AURKA: variants seen among roughly 807,000 people sequenced by gnomAD.
The protein encoded by AURKA is aurora 2.
In AURKA, 12 loss-of-function variants were observed where a neutral mutation model predicts 40.9. The observed-to-expected ratio is 0.29, with a 90% CI of 0.19 to 0.48. The LOEUF is 0.48. Among genes scored for constraint, AURKA ranks in the 20% least tolerant of loss-of-function variants. The pLI is 0.99. For synonymous variants in AURKA, 170 were observed against 164.3 expected (o/e 1.03, Z -0.26); for missense variants, 322 against 462.1 (o/e 0.70, Z 2.78).
intron 7 of AURKA, among the ~76,000 whole-genome samples, chr20:56,371,435 T>TG (rs1452706563): frequency 6.7e-6 from 1 of 149,900 alleles, no homozygotes; most frequent in African/African-American, 2.5e-5. Context: ...CACTCCAGCC[T>TG]GGGTGACAGA....
chr20:56,390,019 A>AT (rs1569099268), intron 1 of AURKA, among the ~76,000 whole-genome samples: 1 of 152,164 alleles, frequency 6.6e-6, no homozygotes, highest in African/African-American at 2.4e-5. Context: ...CGGCAATCTC[A>AT]TTAACAAATC....
intron 6 of AURKA, 74 bp downstream of exon 6, chr20:56,381,359 G>C (rs1249027470): frequency 3.2e-6 from 5 of 1,575,522 alleles, no homozygotes; most frequent in Non-Finnish European, 4.3e-6. Flanking sequence ...ACTCTACTAT[G>C]ATGAAAGGTA....
intron 7 of AURKA, among the ~76,000 whole-genome samples, chr20:56,371,916 C>T (rs148970693): frequency 1.2e-4 from 19 of 152,260 alleles, no homozygotes; most frequent in Middle Eastern, 3.4e-3. Context: ...ATGTTTGCAA[C>T]GTATTTTCAA....
Position 56,383,029 on chromosome 20 carries a change from C to G in AURKA, c.522G>C (p.Val174=). The G allele has an allele frequency of 6.2e-7, 1 of 1,614,190 alleles. No individual in the cohort carries two copies. The highest frequency in any genetic ancestry group is 8.5e-7 in the Non-Finnish European group (1 of 1,180,034). The change falls in exon 5 of 9, where the codon GTG becomes GTC. Residue 174 remains valine (V), a synonymous_variant. Transcript: ENST00000395915. ...CTACTTCTCTTCTGAGCTGATGCTC[C>G]ACTCCGGCTTTCTCCAGCTGAGCTT... ...LFKAQLEKAG[V]EHQLRREVEI...
intron 3 of AURKA, among the ~76,000 whole-genome samples, chr20:56,385,252 G>A (rs1418742674): frequency 6.6e-6 from 1 of 152,178 alleles, no homozygotes; most frequent in African/African-American, 2.4e-5. Context: ...CCTTCATGAA[G>A]TGGTTACGAA....
intron 1 of AURKA, chr20:56,390,666 C>T (rs1284954028): frequency 1.5e-5 from 2 of 129,884 alleles, no homozygotes; most frequent in African/African-American, 6.7e-5. Flanking sequence ...GAGTGAGACC[C>T]TGTCTCAAAA....
intron 1 of AURKA, among the ~76,000 whole-genome samples, chr20:56,389,203 C>T (rs562027119): frequency 3.3e-5 from 5 of 150,540 alleles, no homozygotes; most frequent in Admixed American, 6.6e-5. Flanking sequence ...GACTCAAGAA[C>T]GAGTCCCTGG....
At position 56,370,169 on chromosome 20, in the gene AURKA, T is replaced by C. The variant is rs1428893706; in HGVS notation, c.1201A>G (p.Lys401Glu). The C allele has an allele frequency of 1.9e-6, 3 of 1,612,660 alleles. No individual in the cohort carries two copies. The East Asian group carries it at 6.7e-5, about 36-fold the overall frequency. The change falls in exon 9 of 9, where the codon AAA becomes GAA. Residue 401 changes from lysine (K) to glutamate (E), a missense_variant. Lys to Glu is a moderately conservative substitution (Grantham distance 56, BLOSUM62 1). Coordinates refer to ENST00000395915, the MANE Select transcript of AURKA (RefSeq NM_198437.3). ...SNCQNKESAS[K>E]QS Reference sequence around the variant, plus strand: ...CCCCTGCACGATTCCTAAGACTGTTTGCTAGCTGATTCTTTGTTTTGGCAA... The same window carrying C: ...CCCCTGCACGATTCCTAAGACTGTTCGCTAGCTGATTCTTTGTTTTGGCAA...
intron 1 of AURKA, among the ~76,000 whole-genome samples, chr20:56,390,318 T>C (rs890591446): frequency 1.3e-5 from 2 of 151,886 alleles, no homozygotes; most frequent in Admixed American, 1.3e-4. Flanking sequence ...TCTTTTTTTT[T>C]TTTTTTGAGA....
intron 5 of AURKA, 75 bp from the exon 6 acceptor site, chr20:56,381,646 T>A: frequency 1.3e-6 from 2 of 1,581,374 alleles, no homozygotes; most frequent in Middle Eastern, 3.7e-4. Flanking sequence ...TCAAACAAAC[T>A]CTTCATGTAA....
In AURKA at chr20:56,384,625, A is replaced by C. The variant is rs370146692; in HGVS notation, c.320-301T>G. On this transcript the variant is annotated intron_variant, in intron 3 of 8. Transcript: ENST00000395915. The stretch of plus-strand genomic sequence containing the variant: ...CTTCTGAAGCCTCAGTTTCCAAAGA[A>C]GAGCTTTTGTGGCAGAAGTACCAAT... Among the ~76,000 whole-genome samples the C allele has an allele frequency of 1.1e-3, 170 of 152,314 alleles. 2 individuals are homozygous for C. In the South Asian group the frequency reaches 0.035, roughly 31 times the overall value.
rs368259787 is a variant in AURKA, at chr20:56,388,152, T to C, written c.42+4A>G. 6.2e-7 allele frequency: 1 copy of C among 1,614,094 alleles called. No homozygotes were observed. Among genetic ancestry groups the C allele is most frequent in the Non-Finnish European group, 8.5e-7 (1 of 1,179,870 alleles). ...TGAATGAGATTACAGATTATTCAATTTACCTTAACAGGTCCTGAAATGCAG... is the reference window on the plus strand; with the variant it reads ...TGAATGAGATTACAGATTATTCAATCTACCTTAACAGGTCCTGAAATGCAG... On this transcript the variant is annotated splice_donor_region_variant and intron_variant, in intron 2 of 8. Transcript: ENST00000395915.
At chr20:56,388,518 A>G (rs971099826) in intron 1 of AURKA, 1 of 389,634 alleles carries the variant, frequency 2.6e-6, no homozygotes, top group African/African-American at 2.0e-5. Flanking sequence ...TACCTTAAAA[A>G]AGTCCTCTTT....
intron 4 of AURKA, among the ~76,000 whole-genome samples, chr20:56,383,942 C>G (rs1032344870): frequency 2.6e-5 from 4 of 152,314 alleles, no homozygotes; most frequent in Middle Eastern, 3.4e-3. Context: ...AAAACTTGCA[C>G]TTTTGTACAA....
At chr20:56,370,780 A>C in intron 7 of AURKA, 121 bp from the exon 8 acceptor site, 1 of 1,024,118 alleles carries the variant, frequency 9.8e-7, no homozygotes, top group East Asian at 2.6e-5. Flanking sequence ...CCTGTGCCCT[A>C]GGAAGTAGCT....
At chr20:56,379,008 C>T (rs937311947) in intron 6 of AURKA, among the ~76,000 whole-genome samples, 9 of 152,144 alleles carry the variant, frequency 5.9e-5, no homozygotes, top group African/African-American at 2.2e-4. Context: ...TTACAGCAAA[C>T]ACACAAAAAT....
chr20:56,382,929 G>T (rs972853385), intron 5 of AURKA, 56 bp downstream of exon 5: 22 of 1,585,992 alleles, frequency 1.4e-5, no homozygotes, highest in Middle Eastern at 2.2e-4. Context: ...CATTACAGGA[G>T]GGGGAGGGGT....
intron 3 of AURKA, among the ~76,000 whole-genome samples, chr20:56,385,495 CTT>C (rs979168922): frequency 2.7e-5 from 4 of 147,856 alleles, no homozygotes; most frequent in Admixed American, 6.7e-5. Flanking sequence ...GAATTTTGCT[CTT>C]GTTGCCCAGG....
At chr20:56,384,947 A>G (rs1986172915) in intron 3 of AURKA, among the ~76,000 whole-genome samples, 1 of 152,182 alleles carries the variant, frequency 6.6e-6, no homozygotes, top group Non-Finnish European at 1.5e-5. Flanking sequence ...AACAGCACAC[A>G]ATGCTCTGCT....
Sources: allele counts gnomAD v4.1 joint callset (sites outside exome capture counted in the v4.1 genomes callset), GRCh38; gene constraint gnomAD v4.1.1; transcripts MANE v1.5; gene names NCBI Gene and HGNC (gene_info 2026-07-23, HGNC 2026-07-21).